Variants in GOLGB1 observed in about 807,000 individuals in gnomAD.
The protein encoded by GOLGB1 is golgin subfamily B member 1.
In GOLGB1, 174 loss-of-function variants were observed where a neutral mutation model predicts 336.9. That is an observed-to-expected ratio of 0.52 (90% CI 0.46 to 0.59). The LOEUF is 0.59. GOLGB1 is among the 20% of genes least tolerant of loss of function. The pLI, the probability that GOLGB1 is intolerant of heterozygous loss-of-function variation, is 0.00. For synonymous variants in GOLGB1, 1,208 were observed against 1,289.2 expected (o/e 0.94, Z 1.35); for missense variants, 3,331 against 3,645.3 (o/e 0.91, Z 2.22).
chr3:121,731,226 G>C (rs780685662), intron 1 of GOLGB1, among the ~76,000 whole-genome samples: 1 of 152,126 alleles, frequency 6.6e-6, no homozygotes, highest in African/African-American at 2.4e-5. Context: ...AAAATAAAAT[G>C]TAAGTACCTA....
At position 121,695,257 on chromosome 3, in the gene GOLGB1, A is replaced by G; in HGVS notation, c.5266T>C (p.Ser1756Pro). The change falls in exon 13 of 22, where the codon TCT becomes CCT. Residue 1756 changes from serine (S) to proline (P), a missense_variant. Physicochemically the swap from Ser to Pro is moderately conservative, Grantham distance 74. Coordinates refer to ENST00000614479, the MANE Select transcript of GOLGB1 (RefSeq NM_001366282.2). ...AAATCTTGAACCTCTTCACTTAGAGAGTCTTTCTCAGACATTAAAGACTGA... is the reference window on the plus strand; with the variant it reads ...AAATCTTGAACCTCTTCACTTAGAGGGTCTTTCTCAGACATTAAAGACTGA... ...KFQSLMSEKD[S>P]LSEEVQDLKH... 1 of 1,613,586 alleles carries G rather than the reference A, an allele frequency of 6.2e-7. No individual in the cohort carries two copies.
rs1367679957 is a variant in GOLGB1, at chr3:121,717,000, T to C, written c.1025A>G (p.Asn342Ser). The C allele has an allele frequency of 6.2e-7, 1 of 1,614,118 alleles. No homozygotes were observed. Among genetic ancestry groups the C allele is most frequent in the Non-Finnish European group, 8.5e-7 (1 of 1,179,994 alleles). ...AAGATGATGCATTTCTTCCTGCAGATTATGGAAGGATAATTTTCTCTCTGC... is the reference window on the plus strand; with the variant it reads ...AAGATGATGCATTTCTTCCTGCAGACTATGGAAGGATAATTTTCTCTCTGC... Reference protein sequence around the residue: ...EVAERKLSFHNLQEEMHHLLE... With the variant: ...EVAERKLSFHSLQEEMHHLLE... The change falls in exon 9 of 22, where the codon AAT (asparagine) becomes AGT (serine). Residue 342 changes from asparagine to serine, a missense_variant. By Grantham distance (46) the Asn-to-Ser change is conservative (BLOSUM62 1). Transcript: ENST00000614479.
chr3:121,698,147 T>C lies in GOLGB1; in HGVS notation c.2376A>G (p.Gln792=). 4 of 1,613,800 alleles carry C rather than the reference T, an allele frequency of 2.5e-6. No individual in the cohort carries two copies. Among genetic ancestry groups the C allele is most frequent in the East Asian group, 2.2e-5 (1 of 44,886 alleles). Reference sequence around the variant, plus strand: ...CAGTGAGCAGGTTGTCATGGGCAGTTTGGCTTTCATAATCAAGTCTTCTTT... The same window carrying C: ...CAGTGAGCAGGTTGTCATGGGCAGTCTGGCTTTCATAATCAAGTCTTCTTT... The part of the protein sequence containing the change: ...ERQRRLDYES[Q]TAHDNLLTEQ... The change falls in exon 13 of 22, where the codon CAA becomes CAG. Residue 792 remains glutamine, a synonymous_variant. Coordinates refer to ENST00000614479, the MANE Select transcript of GOLGB1 (RefSeq NM_001366282.2).
At chr3:121,665,593 C>T (rs1938504088) in intron 20 of GOLGB1, among the ~76,000 whole-genome samples, 1 of 152,196 alleles carries the variant, frequency 6.6e-6, no homozygotes, top group Non-Finnish European at 1.5e-5. Flanking sequence ...GTCTCCACTG[C>T]CTTCTGGCTC....
rs750233234 is a variant in GOLGB1, at chr3:121,691,905, G to A, written c.7459C>T (p.Gln2487Ter). The A allele has an allele frequency of 6.2e-7, 1 of 1,614,056 alleles. No homozygotes were observed. The highest frequency in any genetic ancestry group is 2.2e-5 in the East Asian group (1 of 44,876). Residue 2487 changes from glutamine to a stop codon, truncating the protein, a stop_gained, in exon 14 of 22, where the codon CAG (glutamine) becomes TAG (stop). Coordinates refer to ENST00000614479, the MANE Select transcript of GOLGB1 (RefSeq NM_001366282.2). LOFTEE classifies it high-confidence loss of function. ...ATAGAGAGATGTCGCTCTTCCAGCTGTTGATAGTCACCCACTATGCGGTCT... is the reference window on the plus strand; with the variant it reads ...ATAGAGAGATGTCGCTCTTCCAGCTATTGATAGTCACCCACTATGCGGTCT... Reference protein sequence around the residue: ...DRDRIVGDYQQLEERHLSIIL... With the variant: ...DRDRIVGDYQ
rs529378555 is a variant in GOLGB1 at position 121,719,423 on chromosome 3, C to T, written c.771+223G>A. Reference sequence around the variant, plus strand: ...CTACCACATAAATTCACCAACTAAACTCAGCTTTTGAGCACCAACAACCTG... The same window carrying T: ...CTACCACATAAATTCACCAACTAAATTCAGCTTTTGAGCACCAACAACCTG... On this transcript the variant is annotated intron_variant, in intron 7 of 21. Transcript: ENST00000614479. 3.8e-4 allele frequency among the ~76,000 whole-genome samples: 58 copies of T among 152,230 alleles called. 1 individual carries two copies. The South Asian group carries it at 6.6e-3, about 17-fold the overall frequency.
At chr3:121,715,947 A>G (rs1270957234) in intron 9 of GOLGB1, among the ~76,000 whole-genome samples, 5 of 151,818 alleles carry the variant, frequency 3.3e-5, no homozygotes, top group Admixed American at 2.6e-4. Flanking sequence ...AGCCGAGATC[A>G]TGCCATTGCA....
At chr3:121,718,345 T>C in intron 8 of GOLGB1, 43 bp downstream of exon 8, 2 of 1,274,012 alleles carry the variant, frequency 1.6e-6, no homozygotes, top group Non-Finnish European at 2.3e-6. Context: ...AAAGTGGAAA[T>C]GAATACCCTC....
At chr3:121,733,180 G>A (rs1418239480) in intron 1 of GOLGB1, among the ~76,000 whole-genome samples, 7 of 151,564 alleles carry the variant, frequency 4.6e-5, no homozygotes, top group Non-Finnish European at 7.4e-5. Context: ...AAAATTAGCC[G>A]GGTGTGGTTG....
chr3:121,712,349 A>C (rs1171582062), intron 10 of GOLGB1, among the ~76,000 whole-genome samples: 4 of 152,152 alleles, frequency 2.6e-5, no homozygotes, highest in Admixed American at 6.5e-5. Context: ...AAAACCATAA[A>C]GCTTGTGGAA....
chr3:121,699,719 G>A, intron 12 of GOLGB1, 93 bp downstream of exon 12: 1 of 691,478 alleles, frequency 1.4e-6, no homozygotes. Flanking sequence ...TACTTCTCTG[G>A]CAACACTAGA....
intron 10 of GOLGB1, among the ~76,000 whole-genome samples, chr3:121,710,291 AGAAAG>A (rs1376649112): frequency 1.3e-5 from 2 of 152,224 alleles, no homozygotes. Context: ...TAAAATAGAA[AGAAAG>A]GAAACACTCC....
At chr3:121,678,610 C>T (rs777602329) in intron 15 of GOLGB1, among the ~76,000 whole-genome samples, 1 of 151,856 alleles carries the variant, frequency 6.6e-6, no homozygotes, top group Non-Finnish European at 1.5e-5. Context: ...CTCTGTTGCC[C>T]AGGTTAGAGT....
rs771819265 is a variant in GOLGB1, at chr3:121,695,863, CTCTT to C, written c.4656_4659del (p.Arg1553ThrfsTer24). 6.2e-7 allele frequency: 1 copy of C among 1,613,898 alleles called. No homozygotes were observed. Among genetic ancestry groups the C allele is most frequent in the East Asian group, 2.2e-5 (1 of 44,884 alleles). ...CTGTCCATTTCTGTAATGAGTTTGT[CTCTT>C]TCTTCTTGAAGAAGAGCTAACCTTC... On this transcript the variant is annotated frameshift_variant, in exon 13 of 22. Transcript: ENST00000614479. LOFTEE classifies it high-confidence loss of function.
chr3:121,688,175 CCTCTCT>C (rs923248250), intron 14 of GOLGB1, among the ~76,000 whole-genome samples: 3 of 151,666 alleles, frequency 2.0e-5, no homozygotes, highest in Non-Finnish European at 4.4e-5. Context: ...TCTCCCTCTC[CCTCTCT>C]CTCTCCCCAT....
At chr3:121,741,435 T>TA (rs1946850546) in intron 1 of GOLGB1, among the ~76,000 whole-genome samples, 1 of 152,212 alleles carries the variant, frequency 6.6e-6, no homozygotes, top group Non-Finnish European at 1.5e-5. Flanking sequence ...AAAATATTTT[T>TA]AAACAGTTTT....
chr3:121,734,368 C>A (rs1233455502), intron 1 of GOLGB1, among the ~76,000 whole-genome samples: 2 of 109,890 alleles, frequency 1.8e-5, no homozygotes, highest in Admixed American at 1.3e-4. Flanking sequence ...CCAGTCTAGG[C>A]AACAGAGCAA....
At chr3:121,743,899 ATATTAGCAAAC>A (rs1390865752) in intron 1 of GOLGB1, among the ~76,000 whole-genome samples, 4 of 152,212 alleles carry the variant, frequency 2.6e-5, no homozygotes, top group African/African-American at 9.6e-5. Flanking sequence ...ATTAAATAAA[ATATTAGCAAAC>A]TAAATCTGAC....
chr3:121,724,969 G>A (rs1945469994), intron 5 of GOLGB1, among the ~76,000 whole-genome samples: 1 of 152,178 alleles, frequency 6.6e-6, no homozygotes. Flanking sequence ...ACATCCACAT[G>A]GTGCTAATTC....
Sources: allele counts gnomAD v4.1 joint callset (sites outside exome capture counted in the v4.1 genomes callset), GRCh38; gene constraint gnomAD v4.1.1; transcripts MANE v1.5; gene names NCBI Gene and HGNC (gene_info 2026-07-23, HGNC 2026-07-21).